The following PICALM variants were observed in gnomAD, a reference collection of about 807,000 sequenced individuals.
PICALM encodes phosphatidylinositol binding clathrin assembly protein, also known as phosphatidylinositol-binding clathrin assembly protein.
In PICALM, 40 loss-of-function variants were observed where a neutral mutation model predicts 80.5. That is an observed-to-expected ratio of 0.50 (90% CI 0.39 to 0.65). The LOEUF is 0.65. Ranked by LOEUF, PICALM falls within the 30% of genes least tolerant of loss-of-function variation. The pLI, the probability that PICALM is intolerant of heterozygous loss-of-function variation, is 0.00. For synonymous variants in PICALM, 288 were observed against 260.3 expected, an observed-to-expected ratio of 1.11 and a Z score of -1.02; for missense variants, 676 against 778.9, an observed-to-expected ratio of 0.87 and a Z score of 1.57.
chr11:85,981,190 G>C lies in PICALM; in HGVS notation c.1718C>G (p.Thr573Ser). The C allele has an allele frequency of 6.2e-7, 1 of 1,607,384 alleles. No homozygotes were observed. Among genetic ancestry groups the C allele is most frequent in the Non-Finnish European group, 8.5e-7 (1 of 1,173,896 alleles). ...NWSQPGEKKL[T>S]GGSNWQPKVA... is the part of the protein sequence containing the mutation. ...CTTTGGTTGCCAGTTAGATCCCCCA[G>C]TTAACTTCTTTTCACCTGGTTGACT... The change falls in exon 17 of 20, where the codon ACT (threonine) becomes AGT (serine). Residue 573 changes from threonine to serine, a missense_variant. By Grantham distance (58) the Thr-to-Ser change is moderately conservative. Around this residue, in one of 2 missense-constraint regions of PICALM, gnomAD observed 391 missense variants for 383.6 expected, o/e 1.02. Coordinates refer to ENST00000393346, the MANE Select transcript of PICALM (RefSeq NM_007166.4).
At chr11:86,037,806 T>C (rs1012501587) in intron 1 of PICALM, among the ~76,000 whole-genome samples, 5 of 152,160 alleles carry the variant, frequency 3.3e-5, no homozygotes, top group African/African-American at 1.2e-4. Context: ...TTAGCAACTA[T>C]GTCATATATG....
At chr11:85,962,793 C>T (rs57125313) in intron 19 of PICALM, among the ~76,000 whole-genome samples, 31,035 of 152,078 alleles carry the variant, frequency 0.2, 3,491 homozygotes, top group Middle Eastern at 0.24. Context: ...CTGTATCAAG[C>T]GGATGAAACC....
At chr11:85,980,584 C>A (rs1374781890) in intron 17 of PICALM, among the ~76,000 whole-genome samples, 2 of 152,090 alleles carry the variant, frequency 1.3e-5, no homozygotes, top group Non-Finnish European at 2.9e-5. Context: ...AATTGCCAAA[C>A]ACATTGTCAT....
At chr11:86,004,232 C>T (rs2095225900) in intron 8 of PICALM, among the ~76,000 whole-genome samples, 1 of 151,986 alleles carries the variant, frequency 6.6e-6, no homozygotes, top group Admixed American at 6.6e-5. Flanking sequence ...TATTATTCAG[C>T]AATAAAGAAG....
At chr11:86,022,508 G>C in intron 3 of PICALM, 39 bp from the exon 4 acceptor site, 1 of 1,111,962 alleles carries the variant, frequency 9.0e-7, no homozygotes, top group Non-Finnish European at 1.3e-6. Flanking sequence ...CAAAGAGAGA[G>C]ACAAGTTTTT....
chr11:86,051,471 G>A (rs1375867709), intron 1 of PICALM, among the ~76,000 whole-genome samples: 1 of 152,098 alleles, frequency 6.6e-6, no homozygotes, highest in Non-Finnish European at 1.5e-5. Context: ...GACCAGTCTG[G>A]CCAACATGGT....
intron 4 of PICALM, among the ~76,000 whole-genome samples, chr11:86,015,908 T>C (rs2095474009): frequency 6.6e-6 from 1 of 152,224 alleles, no homozygotes; most frequent in Admixed American, 6.5e-5. Flanking sequence ...AATTAAGCTA[T>C]AAAAAGCAAC....
chr11:85,977,246 A>C (rs114285285), intron 17 of PICALM, among the ~76,000 whole-genome samples: 350 of 152,314 alleles, frequency 2.3e-3, no homozygotes, highest in African/African-American at 8.2e-3. Context: ...CATAGTTCTT[A>C]TATAGAGTAT....
rs57641869 is a variant in PICALM at position 85,968,947 on chromosome 11, AACACACACACACACACACACACAC to A, written c.1944+5737_1944+5760del. ...TCTAAAAAATACAGAAAAATGACTC[AACACACACACACACACACACACAC>A]ACACACACACACACACACACACACA... is the stretch of plus-strand genomic sequence containing the variant. On this transcript the variant is annotated intron_variant, in intron 19 of 19. Transcript: ENST00000393346. Among the ~76,000 whole-genome samples the A allele has an allele frequency of 7.1e-3, 1,024 of 144,108 alleles. 5 individuals are homozygous for A. Among genetic ancestry groups the A allele is most frequent in the African/African-American group, 8.7e-3 (332 of 38,120 alleles). The allele number at this position is 144,108 out of a possible 152,430, so 94.5% of individuals were successfully genotyped here.
chr11:86,025,023 G>C (rs959618356), intron 3 of PICALM, among the ~76,000 whole-genome samples: 8 of 152,154 alleles, frequency 5.3e-5, no homozygotes, highest in Admixed American at 1.3e-4. Flanking sequence ...TAACAGCCTA[G>C]TTACAGAACT....
At chr11:86,059,812 T>G (rs1488034664) in intron 1 of PICALM, among the ~76,000 whole-genome samples, 1 of 151,888 alleles carries the variant, frequency 6.6e-6, no homozygotes, top group Non-Finnish European at 1.5e-5. Context: ...AGTCAAGAAC[T>G]TTTGGCACAA....
intron 19 of PICALM, among the ~76,000 whole-genome samples, chr11:85,973,018 T>C (rs1013958680): frequency 6.6e-6 from 1 of 152,138 alleles, no homozygotes; most frequent in African/African-American, 2.4e-5. Context: ...GCACAAAAAG[T>C]GACTGACTTA....
At chr11:86,023,781 A>G (rs1206595647) in intron 3 of PICALM, among the ~76,000 whole-genome samples, 2 of 152,204 alleles carry the variant, frequency 1.3e-5, no homozygotes, top group African/African-American at 2.4e-5. Context: ...CATGCCCCTG[A>G]AAATAGAGAC....
chr11:86,017,824 C>T (rs1453747343), intron 4 of PICALM, among the ~76,000 whole-genome samples: 1 of 152,152 alleles, frequency 6.6e-6, no homozygotes, highest in South Asian at 2.1e-4. Context: ...AGAAAATATT[C>T]ACCAAAGTAT....
At chr11:85,981,325 G>C (rs537671118) in intron 16 of PICALM, 97 bp from the exon 17 acceptor site, 2 of 733,712 alleles carry the variant, frequency 2.7e-6, no homozygotes, top group Non-Finnish European at 4.5e-6. Flanking sequence ...GAGACTTGAG[G>C]CTGGGCGTGG....
At chr11:85,982,423 CTT>C (rs59672357) in intron 14 of PICALM, among the ~76,000 whole-genome samples, 6 of 70,166 alleles carry the variant, frequency 8.6e-5, no homozygotes, top group East Asian at 3.6e-4. Flanking sequence ...ATTTTATAGA[CTT>C]TTTTTTTTTT....
At position 85,958,248 on chromosome 11, in the gene PICALM, A is replaced by G; in HGVS notation, c.*798T>C. The G allele has an allele frequency of 4.6e-6, 1 of 219,192 alleles. No individual in the cohort carries two copies. The highest frequency in any genetic ancestry group is 9.2e-6 in the Non-Finnish European group (1 of 108,938). 13.6% of individuals were successfully genotyped at this position (219,192 alleles called of 1,614,324 possible). A position where few individuals can be genotyped will look rare whatever the true frequency, so the allele number is the denominator to read the frequency against. ...ACTGTTCCCTGGCAAAATCCTAGGC[A>G]CAGAATTGACTATAAGGATTAATGC... On this transcript the variant is annotated 3_prime_UTR_variant, in exon 20 of 20. Transcript: ENST00000393346.
At chr11:85,986,509 G>A (rs1198247117) in intron 13 of PICALM, among the ~76,000 whole-genome samples, 7 of 149,280 alleles carry the variant, frequency 4.7e-5, no homozygotes, top group African/African-American at 1.5e-4. Flanking sequence ...TCCTGCCTCA[G>A]CCTCCCGAGT....
At chr11:85,960,917 T>C (rs1052700779) in intron 19 of PICALM, 2 of 309,876 alleles carry the variant, frequency 6.5e-6, no homozygotes, top group African/African-American at 2.3e-5. Flanking sequence ...TTGTAGAAAA[T>C]GGATTGTTAA....
Sources: allele counts gnomAD v4.1 joint callset (sites outside exome capture counted in the v4.1 genomes callset), GRCh38; gene constraint gnomAD v4.1.1; regional missense constraint gnomAD v4.1.1; transcripts MANE v1.5; gene names NCBI Gene and HGNC (gene_info 2026-07-23, HGNC 2026-07-21).